The following SUGP2 variants were observed in gnomAD, a reference collection of about 807,000 sequenced individuals.
SUGP2 encodes the protein SURP and G-patch domain containing 2.
A neutral mutation model predicts 90.5 loss-of-function variants in SUGP2; 24 were observed. The ratio of observed to expected loss-of-function variants is 0.27; its 90% confidence interval spans 0.19 to 0.37. SUGP2 has a LOEUF of 0.37. SUGP2 is among the 10% of genes least tolerant of loss of function. SUGP2 has a pLI of 1.00. For missense variants in SUGP2, 1,233 were observed against 1,363.3 expected, an observed-to-expected ratio of 0.90 and a Z score of 1.51; for synonymous variants, 473 against 513.4, an observed-to-expected ratio of 0.92 and a Z score of 1.06.
chr19:19,004,706 C>T, intron 6 of SUGP2, 60 bp from the exon 7 acceptor site: 1 of 1,366,318 alleles, frequency 7.3e-7, no homozygotes, highest in South Asian at 1.3e-5. Context: ...TTTTTATTTG[C>T]TGAAACTGCT....
At chr19:19,019,477 T>C (rs967408164) in intron 3 of SUGP2, among the ~76,000 whole-genome samples, 1 of 152,174 alleles carries the variant, frequency 6.6e-6, no homozygotes, top group African/African-American at 2.4e-5. Flanking sequence ...GACAGAGCAA[T>C]TTATGTATAT....
At chr19:19,012,734 C>CCTGTGTT (rs2058352372) in intron 4 of SUGP2, among the ~76,000 whole-genome samples, 1 of 152,208 alleles carries the variant, frequency 6.6e-6, no homozygotes, top group Non-Finnish European at 1.5e-5. Context: ...TGTTTATGCT[C>CCTGTGTT]ATTTCCTGTG....
chr19:19,030,514 C>T (rs2059112632), intron 2 of SUGP2, among the ~76,000 whole-genome samples: 1 of 151,958 alleles, frequency 6.6e-6, no homozygotes, highest in Non-Finnish European at 1.5e-5. Flanking sequence ...AACTCCGTCT[C>T]AAAACAAACA....
At position 18,991,211 on chromosome 19, in the gene SUGP2, A is replaced by G. The variant is rs1181958240; in HGVS notation, c.*2530T>C. On this transcript the variant is annotated 3_prime_UTR_variant, in exon 11 of 11. Coordinates refer to ENST00000452918, the MANE Select transcript of SUGP2 (RefSeq NM_001017392.5). Reference sequence around the variant, plus strand: ...GCTGTGCCACCACACATCACGCGCGACACGAGGATCCTGCAGAGCGGCCTC... The same window carrying G: ...GCTGTGCCACCACACATCACGCGCGGCACGAGGATCCTGCAGAGCGGCCTC... 6.6e-6 allele frequency: 1 copy of G among 152,144 alleles called. No individual in the cohort carries two copies. The highest frequency in any genetic ancestry group is 2.4e-5 in the African/African-American group (1 of 41,442). The allele number at this position is 152,144 out of a possible 1,614,324, so 9.4% of individuals were successfully genotyped here. A position where few individuals can be genotyped will look rare whatever the true frequency, so the allele number is the denominator to read the frequency against.
intron 2 of SUGP2, among the ~76,000 whole-genome samples, chr19:19,029,440 TTTC>T (rs2059060362): frequency 1.4e-5 from 2 of 146,016 alleles, no homozygotes; most frequent in African/African-American, 5.1e-5. Flanking sequence ...GGCCATTTTT[TTTC>T]TTTTTTTTTT....
intron 3 of SUGP2, among the ~76,000 whole-genome samples, chr19:19,021,839 G>C (rs2058739379): frequency 6.6e-6 from 1 of 151,462 alleles, no homozygotes; most frequent in South Asian, 2.1e-4. Flanking sequence ...GCTAATTTTT[G>C]ATTTTTAGTA....
chr19:19,009,833 G>C (rs1358950340), intron 5 of SUGP2, 22 bp downstream of exon 5: 2 of 1,574,830 alleles, frequency 1.3e-6, no homozygotes, highest in Admixed American at 3.6e-5. Context: ...CCCAGAGGAG[G>C]GGGACAGGAG....
rs67270368 is a variant in SUGP2, at chr19:19,005,844, AACACACACACACACAC to A, written c.2451-1214_2451-1199del. ...CAAATGCCACTATACCAGGCTAACA[AACACACACACACACAC>A]ACACACACACACACACACACACACA... On this transcript the variant is annotated intron_variant, in intron 6 of 10. Transcript: ENST00000452918. Among the ~76,000 whole-genome samples, 6 of 46,466 alleles carry A rather than the reference AACACACACACACACAC, an allele frequency of 1.3e-4. No individual in the cohort carries two copies. In the South Asian group the frequency reaches 3.2e-3, roughly 25 times the overall value. 30.5% of individuals were successfully genotyped at this position (46,466 alleles called of 152,430 possible).
At chr19:19,026,423 T>C (rs902943487) in intron 2 of SUGP2, among the ~76,000 whole-genome samples, 197 bp from the exon 3 acceptor site, 13 of 152,190 alleles carry the variant, frequency 8.5e-5, no homozygotes, top group Non-Finnish European at 1.3e-4. Flanking sequence ...CTGGATCGAC[T>C]ACTTACTAAA....
chr19:19,028,944 C>T (rs973645550), intron 2 of SUGP2, among the ~76,000 whole-genome samples: 6 of 152,164 alleles, frequency 3.9e-5, no homozygotes, highest in Admixed American at 3.9e-4. Flanking sequence ...ACCTTGGCCT[C>T]CCAAAGTGCT....
chr19:19,025,545 G>A lies in SUGP2; in HGVS notation c.803C>T (p.Thr268Ile), dbSNP rs945900702. ...TGGAGTGTTTTTCTGGATTTGGTTAGTGCCCTGAGTTTTGGGAGTAATACG... is the reference window on the plus strand; with the variant it reads ...TGGAGTGTTTTTCTGGATTTGGTTAATGCCCTGAGTTTTGGGAGTAATACG... ...VNRITPKTQG[T>I]NQIQKNTPSP... Residue 268 changes from threonine to isoleucine, a missense_variant, in exon 3 of 11, where the codon ACT (threonine) becomes ATT (isoleucine). Physicochemically the swap from Thr to Ile is moderately conservative, Grantham distance 89. Coordinates refer to ENST00000452918, the MANE Select transcript of SUGP2 (RefSeq NM_001017392.5). 6.2e-7 allele frequency: 1 copy of A among 1,613,926 alleles called. No individual in the cohort carries two copies. Among genetic ancestry groups the A allele is most frequent in the Non-Finnish European group, 8.5e-7 (1 of 1,180,020 alleles).
chr19:19,033,527 A>C (rs773068506), upstream of SUGP2: 2 of 1,396,392 alleles, frequency 1.4e-6, no homozygotes, highest in South Asian at 2.7e-5. Flanking sequence ...CATGCAAATG[A>C]ACCAACGGTC....
chr19:19,020,829 G>C (rs1033521825), intron 3 of SUGP2, among the ~76,000 whole-genome samples: 2 of 152,016 alleles, frequency 1.3e-5, no homozygotes, highest in African/African-American at 4.8e-5. Context: ...CGAATGGTAA[G>C]ATTGTTTAGT....
Position 19,010,334 on chromosome 19 carries a change from G to A in SUGP2, c.1859C>T (p.Ser620Phe), listed in dbSNP as rs754592143. The A allele has an allele frequency of 6.2e-7, 1 of 1,607,914 alleles. No homozygotes were observed. Among genetic ancestry groups the A allele is most frequent in the Non-Finnish European group, 8.5e-7 (1 of 1,177,852 alleles). The change falls in exon 5 of 11, where the codon TCT becomes TTT. Residue 620 changes from serine to phenylalanine, a missense_variant. Coordinates refer to ENST00000452918, the MANE Select transcript of SUGP2 (RefSeq NM_001017392.5). ...LKEDPAYWFL[S>F]DENSLEYKYY... ...TTTATACTCCAGACTATTTTCATCA[G>A]ACAAAAACCTAGATAACAAAACAAG...
In SUGP2 at chr19:18,992,934, C is replaced by T. The variant is rs2057424572; in HGVS notation, c.*807G>A. 1 of 152,396 alleles carries T rather than the reference C, an allele frequency of 6.6e-6. No homozygotes were observed. Among genetic ancestry groups the T allele is most frequent in the South Asian group, 2.1e-4 (1 of 4,828 alleles). 9.4% of individuals were successfully genotyped at this position (152,396 alleles called of 1,614,324 possible). ...GCTGCAGAGCCCACCCCAGGAGGAGCCTGCCTCTCCTTACAAAGGCTGTAA... is the reference window on the plus strand; with the variant it reads ...GCTGCAGAGCCCACCCCAGGAGGAGTCTGCCTCTCCTTACAAAGGCTGTAA... On this transcript the variant is annotated 3_prime_UTR_variant, in exon 11 of 11. Coordinates refer to ENST00000452918, the MANE Select transcript of SUGP2 (RefSeq NM_001017392.5).
chr19:19,018,501 C>G (rs1000958947), intron 4 of SUGP2, among the ~76,000 whole-genome samples: 1 of 151,800 alleles, frequency 6.6e-6, no homozygotes, highest in Non-Finnish European at 1.5e-5. Flanking sequence ...TCCTGGCTAA[C>G]ACTATGAAAC....
At chr19:19,002,460 A>G (rs1599420990) in intron 7 of SUGP2, among the ~76,000 whole-genome samples, 1 of 148,496 alleles carries the variant, frequency 6.7e-6, no homozygotes, top group Non-Finnish European at 1.5e-5. Flanking sequence ...GAACCACATC[A>G]TATCATTTTA....
chr19:19,010,152 C>G lies in SUGP2; in HGVS notation c.2041G>C (p.Gly681Arg), dbSNP rs1715757469. The G allele has an allele frequency of 6.2e-7, 1 of 1,612,962 alleles. No individual in the cohort carries two copies. Among genetic ancestry groups the G allele is most frequent in the African/African-American group, 1.3e-5 (1 of 74,952 alleles). Residue 681 changes from glycine (G) to arginine (R), a missense_variant, in exon 5 of 11, where the codon GGG becomes CGG. Gly to Arg is a moderately radical substitution (Grantham distance 125). Transcript: ENST00000452918. ...KKKLLPWQRR[G>R]LLRAQGLRGW... is the part of the protein sequence containing the mutation. ...CGGAGCCCTTGAGCACGGAGGAGCC[C>G]CCGCCGCTGCCACGGAAGGAGTTTC...
At chr19:19,004,752 G>GA (rs1259886786) in intron 6 of SUGP2, 106 bp from the exon 7 acceptor site, 4 of 939,338 alleles carry the variant, frequency 4.3e-6, no homozygotes, top group Admixed American at 4.7e-5. Context: ...TGGGACAAGG[G>GA]AAAGAATAAC....
Sources: allele counts gnomAD v4.1 joint callset (sites outside exome capture counted in the v4.1 genomes callset), GRCh38; gene constraint gnomAD v4.1.1; transcripts MANE v1.5; gene names NCBI Gene and HGNC (gene_info 2026-07-23, HGNC 2026-07-21).